Variants in TJP1 observed in about 807,000 individuals in gnomAD.
TJP1 encodes the protein tight junction protein 1, also known as tight junction protein ZO-1.
In TJP1, 43 loss-of-function variants were observed where a neutral mutation model predicts 194.2. The observed-to-expected ratio is 0.22, with a 90% CI of 0.17 to 0.29. The LOEUF is 0.29. Among genes scored for constraint, TJP1 ranks in the 10% least tolerant of loss-of-function variants. TJP1 has a pLI of 1.00. For synonymous variants in TJP1, 801 were observed against 779.0 expected (o/e 1.03, Z -0.47); for missense variants, 1,971 against 2,185.7 (o/e 0.90, Z 1.96).
intron 3 of TJP1, 103 bp downstream of exon 3, chr15:29,773,130 G>T: frequency 7.4e-7 from 1 of 1,351,930 alleles, no homozygotes; most frequent in Non-Finnish European, 1.0e-6. Context: ...CAGGTGGAGT[G>T]TGAATATGAC....
intron 2 of TJP1, among the ~76,000 whole-genome samples, chr15:29,901,317 G>C (rs752239559): frequency 2.0e-5 from 3 of 152,178 alleles, no homozygotes; most frequent in Non-Finnish European, 2.9e-5. Context: ...TTGTTTGACT[G>C]TTCCTGCTTT....
chr15:29,812,242 T>C (rs1247946478), intron 1 of TJP1, among the ~76,000 whole-genome samples: 2 of 152,238 alleles, frequency 1.3e-5, no homozygotes, highest in Admixed American at 6.5e-5. Flanking sequence ...TCTGGCCTGC[T>C]GACAGGTGAA....
intron 1 of TJP1, among the ~76,000 whole-genome samples, chr15:29,818,184 G>C (rs1300590709): frequency 6.6e-6 from 1 of 152,098 alleles, no homozygotes; most frequent in Admixed American, 6.5e-5. Context: ...AAACATTTAA[G>C]TATTCAGCAA....
intron 4 of TJP1, among the ~76,000 whole-genome samples, chr15:29,768,381 C>A (rs1481281886): frequency 6.6e-6 from 1 of 152,154 alleles, no homozygotes; most frequent in Non-Finnish European, 1.5e-5. Flanking sequence ...GCTTTTACAT[C>A]TCACTTCTAT....
upstream of TJP1, chr15:29,823,779 G>A (rs2050566774): frequency 6.6e-6 from 1 of 152,130 alleles, no homozygotes; most frequent in African/African-American, 2.4e-5. Flanking sequence ...TTTGGACAAA[G>A]TATTATTTAT....
chr15:29,749,206 C>G (rs886946639), intron 8 of TJP1, among the ~76,000 whole-genome samples: 3 of 149,132 alleles, frequency 2.0e-5, no homozygotes, highest in African/African-American at 7.4e-5. Flanking sequence ...ACCTTGTTAT[C>G]TGGAGGCTAT....
chr15:29,810,703 C>T (rs1176900345), intron 1 of TJP1, among the ~76,000 whole-genome samples: 2 of 152,232 alleles, frequency 1.3e-5, no homozygotes, highest in Non-Finnish European at 2.9e-5. Flanking sequence ...GAGTTTAAAG[C>T]ACAGAGTTTT....
chr15:29,766,444 A>G lies in TJP1; in HGVS notation c.411T>C (p.His137=). ...NEEDSYDEEI[H]DPRSGRSGVV... ...CACCACTCCGGCCACTTCTTGGATCATGTATTTCCTCATCATAACTATCTT... is the reference window on the plus strand; with the variant it reads ...CACCACTCCGGCCACTTCTTGGATCGTGTATTTCCTCATCATAACTATCTT... Residue 137 remains histidine, a synonymous_variant, in exon 5 of 28, where the codon CAT becomes CAC. Transcript: ENST00000614355. 6.2e-7 allele frequency: 1 copy of G among 1,614,082 alleles called. No homozygotes were observed. The highest frequency in any genetic ancestry group is 8.5e-7 in the Non-Finnish European group (1 of 1,179,992).
chr15:29,743,040 A>G (rs1276496377), intron 8 of TJP1: 1 of 271,882 alleles, frequency 3.7e-6, no homozygotes, highest in Non-Finnish European at 6.8e-6. Context: ...CATTCCAAAC[A>G]AAACTGTTGG....
At chr15:29,729,035 G>A (rs993848311) in intron 15 of TJP1, 1 of 152,228 alleles carries the variant, frequency 6.6e-6, no homozygotes, top group African/African-American at 2.4e-5. Context: ...TACCCTTTAA[G>A]GCAGAGCTTT....
chr15:29,845,097 T>G (rs2051360745), intron 2 of TJP1, among the ~76,000 whole-genome samples: 1 of 152,172 alleles, frequency 6.6e-6, no homozygotes, highest in South Asian at 2.1e-4. Context: ...ATGACCAAAA[T>G]GGATACTCCC....
At chr15:29,711,142 C>A in intron 23 of TJP1, 142 bp from the exon 24 acceptor site, 1 of 887,188 alleles carries the variant, frequency 1.1e-6, no homozygotes. Flanking sequence ...GGTAGCTACT[C>A]TACCAAAATA....
At chr15:29,748,922 ATGTG>A (rs112772922) in intron 8 of TJP1, among the ~76,000 whole-genome samples, 1,342 of 104,664 alleles carry the variant, frequency 0.013, 14 homozygotes, top group East Asian at 0.094. Context: ...AAGCTTAAAA[ATGTG>A]TGTGTGTGTG....
intron 1 of TJP1, among the ~76,000 whole-genome samples, chr15:29,964,625 T>C (rs2056271501): frequency 6.6e-6 from 1 of 152,174 alleles, no homozygotes; most frequent in Non-Finnish European, 1.5e-5. Context: ...ATTTCTGCTG[T>C]TTTCAGCCAC....
intron 2 of TJP1, among the ~76,000 whole-genome samples, chr15:29,945,177 G>C (rs1326947940): frequency 6.6e-6 from 1 of 152,170 alleles, no homozygotes; most frequent in Non-Finnish European, 1.5e-5. Context: ...ACAAGGGCCA[G>C]GTCAAAATGT....
At chr15:29,927,923 T>G (rs2054575231) in intron 2 of TJP1, among the ~76,000 whole-genome samples, 2 of 152,104 alleles carry the variant, frequency 1.3e-5, no homozygotes. Flanking sequence ...TCTGAATCAT[T>G]TCAGTCCTTG....
intron 20 of TJP1, 68 bp from the exon 21 acceptor site, chr15:29,719,206 GATTAAAT>G: frequency 4.3e-6 from 6 of 1,400,196 alleles, no homozygotes; most frequent in Non-Finnish European, 3.9e-6. Context: ...ATTAGACTGT[GATTAAAT>G]ATTAAACTAC....
intron 2 of TJP1, among the ~76,000 whole-genome samples, chr15:29,798,533 A>G (rs1192084262): frequency 1.3e-5 from 2 of 152,178 alleles, no homozygotes; most frequent in African/African-American, 4.8e-5. Flanking sequence ...TGCTCAACCC[A>G]TATCAAGTGC....
intron 2 of TJP1, among the ~76,000 whole-genome samples, chr15:29,869,179 C>T (rs977826124): frequency 3.0e-4 from 46 of 152,234 alleles, no homozygotes; most frequent in African/African-American, 9.6e-4. Context: ...AAAAATGAAG[C>T]CATAAGAGAA....
Sources: allele counts gnomAD v4.1 joint callset (sites outside exome capture counted in the v4.1 genomes callset), GRCh38; gene constraint gnomAD v4.1.1; transcripts MANE v1.5; gene names NCBI Gene and HGNC (gene_info 2026-07-23, HGNC 2026-07-21).